Variants in SLC9A3 observed in about 807,000 individuals in gnomAD.
The protein encoded by SLC9A3 is solute carrier family 9 member A3, also known as sodium/hydrogen exchanger 3.
In SLC9A3, 37 loss-of-function variants were observed where a neutral mutation model predicts 86.8. The observed-to-expected ratio is 0.43, with a 90% CI of 0.33 to 0.56. The LOEUF (loss-of-function observed/expected upper bound fraction) is 0.56. SLC9A3 is among the 20% of genes least tolerant of loss of function. SLC9A3 has a pLI of 0.06. For synonymous variants in SLC9A3, 581 were observed against 528.3 expected (o/e 1.10, Z -1.37); for missense variants, 1,011 against 1,171.9 (o/e 0.86, Z 2.00).
rs1405100331 is a variant in SLC9A3, at chr5:471,632, G to C, written c.*1747C>G. On this transcript the variant is annotated 3_prime_UTR_variant, in exon 17 of 17. Transcript: ENST00000264938. ...GTCCAGTAGGGTCACTGACTGGGCA[G>C]GGCTTGCTGCATAGAGGATGGCTGC... The C allele has an allele frequency of 5.1e-6, 2 of 390,178 alleles. No individual in the cohort carries two copies. Among genetic ancestry groups the C allele is most frequent in the Admixed American group, 5.8e-5 (2 of 34,204 alleles). 24.2% of individuals were successfully genotyped at this position (390,178 alleles called of 1,614,324 possible).
chr5:494,477 CT>C (rs1460454229), intron 1 of SLC9A3, among the ~76,000 whole-genome samples: 1 of 152,234 alleles, frequency 6.6e-6, no homozygotes, highest in Non-Finnish European at 1.5e-5. Context: ...AGTCTGCACA[CT>C]AAGGGCTCCG....
intron 1 of SLC9A3, among the ~76,000 whole-genome samples, chr5:504,406 A>G (rs1740449080): frequency 6.6e-6 from 1 of 152,228 alleles, no homozygotes; most frequent in South Asian, 2.1e-4. Flanking sequence ...GTGGACATGC[A>G]GGGTCCAGGA....
rs558422965 is a variant in SLC9A3, at chr5:472,559, C to T, written c.*820G>A. 2.4e-4 allele frequency: 82 copies of T among 347,800 alleles called. No homozygotes were observed. Among genetic ancestry groups the T allele is most frequent in the African/African-American group, 1.7e-3 (77 of 44,400 alleles). The allele number at this position is 347,800 out of a possible 1,614,324, so 21.5% of individuals were successfully genotyped here. ...TGTGGGGACGGGCCGTGTCCGGGGC[C>T]GCCACCCTGAGACCGGGCGCGGGCA... On this transcript the variant is annotated 3_prime_UTR_variant, in exon 17 of 17. Transcript: ENST00000264938.
At position 496,407 on chromosome 5, in the gene SLC9A3, C is replaced by A. The variant is rs1266465709; in HGVS notation, c.212-4336G>T. Among the ~76,000 whole-genome samples, 3 of 152,344 alleles carry A rather than the reference C, an allele frequency of 2.0e-5. No individual in the cohort carries two copies. In the East Asian group the frequency reaches 5.8e-4, roughly 29 times the overall value. On this transcript the variant is annotated intron_variant, in intron 1 of 16. Coordinates refer to ENST00000264938, the MANE Select transcript of SLC9A3 (RefSeq NM_004174.4). The surrounding 1 kb of genome is among the most constrained non-coding windows in gnomAD (Gnocchi z 4.7). ...GGCCCAACCTAACAGCCTCTGACGA[C>A]CTGTGGGTGACGCGTGAACGACCCC... is the stretch of plus-strand genomic sequence containing the variant.
chr5:501,639 T>C (rs1740283600), intron 1 of SLC9A3, among the ~76,000 whole-genome samples: 2 of 152,162 alleles, frequency 1.3e-5, no homozygotes, highest in Admixed American at 1.3e-4. Flanking sequence ...CTAGCACAGC[T>C]GTGGGTCTGA....
chr5:505,502 G>C (rs1465551987), intron 1 of SLC9A3, among the ~76,000 whole-genome samples: 1 of 2,082 alleles, frequency 4.8e-4, no homozygotes, highest in Non-Finnish European at 8.6e-4. Flanking sequence ...GAGTGACTGT[G>C]GGGGGGTGGG....
At chr5:492,410 G>C (rs1439815922) in intron 1 of SLC9A3, among the ~76,000 whole-genome samples, 17 of 123,404 alleles carry the variant, frequency 1.4e-4, no homozygotes, top group Non-Finnish European at 1.7e-4. Context: ...GGAGGTCGGG[G>C]TGGGACCTGC....
At position 476,056 on chromosome 5, in the gene SLC9A3, C is replaced by T. The variant is rs1206787828; in HGVS notation, c.2104G>A (p.Glu702Lys). The change falls in exon 14 of 17, where the codon GAG becomes AAG. Residue 702 changes from glutamate (E) to lysine (K), a missense_variant. This residue lies in a region of SLC9A3 where 397 missense variants were observed against 346.3 expected (regional missense o/e 1.15). Transcript: ENST00000264938. ...SSIPNGKLPM[E>K]SPAQNFTIKE... ...ATGGTGAAATTCTGCGCAGGGCTCTCCATGGGCAGCTTCCCATTGGGGATG... is the reference window on the plus strand; with the variant it reads ...ATGGTGAAATTCTGCGCAGGGCTCTTCATGGGCAGCTTCCCATTGGGGATG... The T allele has an allele frequency of 1.5e-5, 25 of 1,613,360 alleles. No homozygotes were observed. In the East Asian group the frequency reaches 4.2e-4, roughly 27 times the overall value.
At chr5:510,368 G>T (rs1041523126) in intron 1 of SLC9A3, among the ~76,000 whole-genome samples, 5 of 152,344 alleles carry the variant, frequency 3.3e-5, no homozygotes, top group African/African-American at 1.2e-4. Flanking sequence ...CCGGCAGCAC[G>T]CTTGGTCCCG....
chr5:508,709 G>A (rs901908632), intron 1 of SLC9A3, among the ~76,000 whole-genome samples: 4 of 152,158 alleles, frequency 2.6e-5, no homozygotes, highest in Admixed American at 2.0e-4. Flanking sequence ...CATCACCATC[G>A]CCCCCACGCC....
At chr5:479,339 C>T (rs890982) in intron 10 of SLC9A3, 84,459 of 156,258 alleles carry the variant, frequency 0.54, 23,684 homozygotes, top group African/African-American at 0.68. Flanking sequence ...GTCTCTGGAG[C>T]AGTCAGGGGC....
chr5:513,027 G>A (rs1212832369), intron 1 of SLC9A3, among the ~76,000 whole-genome samples: 2 of 152,164 alleles, frequency 1.3e-5, no homozygotes, highest in Non-Finnish European at 1.5e-5. Flanking sequence ...AGCAAAACCC[G>A]AGACAGCAGA....
chr5:512,373 T>C (rs147326267), intron 1 of SLC9A3, among the ~76,000 whole-genome samples: 50 of 112,332 alleles, frequency 4.5e-4, no homozygotes, highest in East Asian at 1.2e-3. Flanking sequence ...TAATAATGTA[T>C]CAAGAACGAG....
In SLC9A3 at chr5:496,413, GGTGACGC is replaced by G. The variant is rs1740023161; in HGVS notation, c.212-4349_212-4343del. 6.6e-6 allele frequency among the ~76,000 whole-genome samples: 1 copy of G among 152,250 alleles called. No homozygotes were observed. The highest frequency in any genetic ancestry group is 2.4e-5 in the African/African-American group (1 of 41,468). Reference sequence around the variant, plus strand: ...ACCTAACAGCCTCTGACGACCTGTGGGTGACGCGTGAACGACCCCGTTCTGTGAAAGT... The same window carrying G: ...ACCTAACAGCCTCTGACGACCTGTGGGTGAACGACCCCGTTCTGTGAAAGT... On this transcript the variant is annotated intron_variant, in intron 1 of 16. Transcript: ENST00000264938. This position sits in a 1 kb window ranked among gnomAD's most constrained non-coding sequence, Gnocchi z 4.7.
chr5:483,200 C>T (rs1186214958), intron 6 of SLC9A3, 62 bp downstream of exon 6: 1 of 1,303,316 alleles, frequency 7.7e-7, no homozygotes, highest in African/African-American at 1.5e-5. Flanking sequence ...AAAGCCTGCG[C>T]CTTCCCGGAG....
chr5:492,861 C>T lies in SLC9A3; in HGVS notation c.212-790G>A, dbSNP rs546866501. ...GGCCCCATGGAGGCTGTGGCCCCCTCTCCTCGTGCCCCTCTCCTGGGATCA... is the reference window on the plus strand; with the variant it reads ...GGCCCCATGGAGGCTGTGGCCCCCTTTCCTCGTGCCCCTCTCCTGGGATCA... On this transcript the variant is annotated intron_variant, in intron 1 of 16. Transcript: ENST00000264938. 2.6e-3 allele frequency among the ~76,000 whole-genome samples: 390 copies of T among 152,272 alleles called. 1 individual carries two copies. Among genetic ancestry groups the T allele is most frequent in the Non-Finnish European group, 4.2e-3 (284 of 67,990 alleles).
At position 475,555 on chromosome 5, in the gene SLC9A3, C is replaced by G; in HGVS notation, c.2251+6G>C. The G allele has an allele frequency of 5.9e-6, 9 of 1,524,550 alleles. No homozygotes were observed. Among genetic ancestry groups the G allele is most frequent in the South Asian group, 3.6e-5 (3 of 83,580 alleles). The allele number at this position is 1,524,550 out of a possible 1,614,324, so 94.4% of individuals were successfully genotyped here. A position where few individuals can be genotyped will look rare whatever the true frequency, so the allele number is the denominator to read the frequency against. On this transcript the variant is annotated splice_donor_region_variant and intron_variant, in intron 15 of 16. Transcript: ENST00000264938. The stretch of plus-strand genomic sequence containing the variant: ...CTTAGCCACGACGCCTGTGCCCCGT[C>G]CCCACCTGCAGGGGAGTCGGACGCT...
chr5:488,197 G>T, intron 3 of SLC9A3, 119 bp downstream of exon 3: 1 of 1,143,504 alleles, frequency 8.7e-7, no homozygotes, highest in Non-Finnish European at 1.3e-6. Flanking sequence ...GACGCCCCCG[G>T]GAGGGGAGTT....
chr5:475,343 CAT>C, intron 15 of SLC9A3: 2 of 625,436 alleles, frequency 3.2e-6, no homozygotes, highest in Non-Finnish European at 5.6e-6. Context: ...TCCCTCAAGA[CAT>C]ACCCCACCTG....
Sources: allele counts gnomAD v4.1 joint callset (sites outside exome capture counted in the v4.1 genomes callset), GRCh38; gene constraint gnomAD v4.1.1; regional missense constraint gnomAD v4.1.1; non-coding constraint Gnocchi (gnomAD v3.1); transcripts MANE v1.5; gene names NCBI Gene and HGNC (gene_info 2026-07-23, HGNC 2026-07-21).